The following MTMR7 variants were observed in gnomAD, a reference collection of about 807,000 sequenced individuals.
MTMR7 encodes myotubularin related protein 7, also known as phosphatidylinositol-3-phosphate phosphatase MTMR7.
In MTMR7, 76 loss-of-function variants were observed where a neutral mutation model predicts 81.2. The observed-to-expected ratio is 0.94, with a 90% CI of 0.78 to 1.13. The LOEUF (loss-of-function observed/expected upper bound fraction) is 1.13, where lower values mean the gene tolerates loss of function less well. Among genes scored for constraint, MTMR7 ranks in the 50% most tolerant of loss-of-function variants. The probability of loss-of-function intolerance (pLI) is 0.00; values close to 1 mark genes in which losing one functional copy is unlikely to be tolerated. For missense variants in MTMR7, 1,044 were observed against 820.0 expected (o/e 1.27, Z -3.34); for synonymous variants, 372 against 289.8 (o/e 1.28, Z -2.88).
chr8:17,317,093 T>G (rs1347153734), intron 7 of MTMR7, among the ~76,000 whole-genome samples: 1 of 152,248 alleles, frequency 6.6e-6, no homozygotes, highest in Non-Finnish European at 1.5e-5. Flanking sequence ...TCTCTGAATG[T>G]TGTTTTCCAG....
intron 1 of MTMR7, among the ~76,000 whole-genome samples, chr8:17,384,948 T>C (rs1222889693): frequency 6.6e-6 from 1 of 152,162 alleles, no homozygotes; most frequent in Non-Finnish European, 1.5e-5. Context: ...TAACCAGAAG[T>C]AACAGAGACT....
chr8:17,362,280 T>C (rs996016104), intron 3 of MTMR7, among the ~76,000 whole-genome samples: 11 of 152,352 alleles, frequency 7.2e-5, no homozygotes, highest in African/African-American at 2.4e-4. Flanking sequence ...TCTTTGAAAT[T>C]TCACATGTAT....
At chr8:17,322,647 C>A (rs1214844460) in intron 7 of MTMR7, among the ~76,000 whole-genome samples, 1 of 151,884 alleles carries the variant, frequency 6.6e-6, no homozygotes, top group Admixed American at 6.6e-5. Context: ...TAGCAAGACC[C>A]CATCTCTACA....
intron 1 of MTMR7, among the ~76,000 whole-genome samples, chr8:17,400,368 G>A (rs563495016): frequency 6.6e-6 from 1 of 152,274 alleles, no homozygotes; most frequent in South Asian, 2.1e-4. Flanking sequence ...AGCTGTAAGA[G>A]GCAGAGTGAG....
intron 1 of MTMR7, among the ~76,000 whole-genome samples, chr8:17,398,156 AAG>A (rs1821317293): frequency 1.3e-5 from 2 of 152,152 alleles, no homozygotes; most frequent in South Asian, 4.1e-4. Flanking sequence ...AAACATCCAC[AAG>A]CATCAAGACC....
chr8:17,381,235 T>C (rs1262226695), intron 1 of MTMR7, among the ~76,000 whole-genome samples: 5 of 152,186 alleles, frequency 3.3e-5, no homozygotes, highest in Non-Finnish European at 5.9e-5. Flanking sequence ...TCATCTTTTC[T>C]AGGCCAAGGC....
intron 1 of MTMR7, among the ~76,000 whole-genome samples, chr8:17,403,432 CTATG>C (rs1821484910): frequency 1.3e-5 from 2 of 152,120 alleles, no homozygotes; most frequent in South Asian, 4.1e-4. Flanking sequence ...TTCCAGCGGT[CTATG>C]TCTCTGTTTT....
chr8:17,411,847 C>T (rs757220660), intron 1 of MTMR7, among the ~76,000 whole-genome samples: 19 of 152,344 alleles, frequency 1.2e-4, no homozygotes, highest in South Asian at 2.1e-4. Context: ...GCATCCACTG[C>T]CATGTCACTG....
chr8:17,365,378 T>A (rs542710610), intron 3 of MTMR7, among the ~76,000 whole-genome samples: 41 of 152,328 alleles, frequency 2.7e-4, no homozygotes, highest in African/African-American at 9.6e-4. Context: ...TGCAGAAGCT[T>A]CTTATATTTT....
At chr8:17,324,446 C>T (rs772633137) in intron 7 of MTMR7, among the ~76,000 whole-genome samples, 1 of 152,174 alleles carries the variant, frequency 6.6e-6, no homozygotes, top group African/African-American at 2.4e-5. Context: ...CAGTAAATAA[C>T]TGAGCTGGAA....
At chr8:17,390,750 G>GGA (rs1201832463) in intron 1 of MTMR7, among the ~76,000 whole-genome samples, 1 of 152,172 alleles carries the variant, frequency 6.6e-6, no homozygotes, top group Admixed American at 6.5e-5. Context: ...CAAGGGAGCA[G>GGA]GAGAGAGAAG....
At chr8:17,397,875 A>G (rs1821309571) in intron 1 of MTMR7, among the ~76,000 whole-genome samples, 1 of 152,216 alleles carries the variant, frequency 6.6e-6, no homozygotes, top group African/African-American at 2.4e-5. Context: ...TTCAGCAAAG[A>G]GAGAATACAT....
chr8:17,362,787 A>T (rs987222917), intron 3 of MTMR7, among the ~76,000 whole-genome samples: 3 of 152,206 alleles, frequency 2.0e-5, no homozygotes, highest in Non-Finnish European at 2.9e-5. Flanking sequence ...TCCTAAATAC[A>T]TGTATGTGTA....
At chr8:17,352,026 C>T (rs1239083069) in intron 4 of MTMR7, among the ~76,000 whole-genome samples, 5 of 152,182 alleles carry the variant, frequency 3.3e-5, no homozygotes. Context: ...CCATCCTACA[C>T]AAAGCAACCA....
chr8:17,406,535 G>A (rs905726105), intron 1 of MTMR7, among the ~76,000 whole-genome samples: 8 of 152,088 alleles, frequency 5.3e-5, no homozygotes, highest in Admixed American at 3.3e-4. Context: ...CATTATTGTC[G>A]GGGTTCTGAA....
chr8:17,369,641 C>CTTTTTTT (rs71212689), intron 3 of MTMR7, among the ~76,000 whole-genome samples: 229 of 106,154 alleles, frequency 2.2e-3, no homozygotes, highest in South Asian at 4.6e-3. Flanking sequence ...TTCTTTTTTT[C>CTTTTTTT]TTTTTTTTTT....
At chr8:17,381,805 T>C (rs1820769916) in intron 1 of MTMR7, among the ~76,000 whole-genome samples, 1 of 152,248 alleles carries the variant, frequency 6.6e-6, no homozygotes, top group South Asian at 2.1e-4. Flanking sequence ...TAGTTTGTTG[T>C]GCTAAAATTG....
At chr8:17,302,085 GCTTTCATGAAGCCTTGCT>G (rs757415790) in intron 13 of MTMR7, 51 bp downstream of exon 13, 1 of 1,588,872 alleles carries the variant, frequency 6.3e-7, no homozygotes, top group Non-Finnish European at 8.6e-7. Flanking sequence ...ATCTTAAGAG[GCTTTCATGAAGCCTTGCT>G]CTTCAAGAAA....
At chr8:17,303,994 A>G (rs1208299006) in intron 12 of MTMR7, among the ~76,000 whole-genome samples, 1 of 152,202 alleles carries the variant, frequency 6.6e-6, no homozygotes. Flanking sequence ...TTTGTTGTAT[A>G]ACGGCAAAAA....
Sources: allele counts gnomAD v4.1 joint callset (sites outside exome capture counted in the v4.1 genomes callset), GRCh38; gene constraint gnomAD v4.1.1; transcripts MANE v1.5; gene names NCBI Gene and HGNC (gene_info 2026-07-23, HGNC 2026-07-21).